Variants in FA2H observed in about 807,000 individuals in gnomAD.
The protein encoded by FA2H is fatty acid alpha-hydroxylase.
FA2H carries 22 observed loss-of-function variants against 44.9 expected under a neutral mutation model. The observed-to-expected ratio is 0.49, with a 90% confidence interval of 0.35 to 0.70. FA2H has a LOEUF of 0.70. Ranked by LOEUF, FA2H falls within the 30% of genes least tolerant of loss-of-function variation. The probability of loss-of-function intolerance (pLI) is 0.01; values close to 1 mark genes in which losing one functional copy is unlikely to be tolerated. For missense variants in FA2H, 501 were observed against 504.9 expected (o/e 0.99, Z 0.07); for synonymous variants, 243 against 213.2 (o/e 1.14, Z -1.22).
chr16:74,737,064 C>T lies in FA2H; in HGVS notation c.363+2959G>A, dbSNP rs559658468. On this transcript the variant is annotated intron_variant, in intron 2 of 6. Coordinates refer to ENST00000219368, the MANE Select transcript of FA2H (RefSeq NM_024306.5). ...AGAGATGTGAATTCAGGGCTAACTC[C>T]GCTGCTGAGCATCTGGGCAGCGAAC... Among the ~76,000 whole-genome samples, 14 of 152,318 alleles carry T rather than the reference C, an allele frequency of 9.2e-5. No individual in the cohort carries two copies. The South Asian group carries it at 2.7e-3, about 29-fold the overall frequency.
intron 2 of FA2H, among the ~76,000 whole-genome samples, chr16:74,729,306 G>T (rs546137281): frequency 6.6e-6 from 1 of 152,124 alleles, no homozygotes; most frequent in East Asian, 1.9e-4. Flanking sequence ...ACCACACCCG[G>T]CCTCTTATTT....
intron 1 of FA2H, among the ~76,000 whole-genome samples, chr16:74,760,557 A>G (rs542528007): frequency 3.6e-4 from 55 of 152,258 alleles, no homozygotes; most frequent in Non-Finnish European, 7.1e-4. Flanking sequence ...CTGAGCGTGC[A>G]GGGAGTCAAT....
At position 74,741,729 on chromosome 16, in the gene FA2H, C is replaced by T. The variant is rs968901796; in HGVS notation, c.271-1614G>A. Among the ~76,000 whole-genome samples, 4 of 143,950 alleles carry T rather than the reference C, an allele frequency of 2.8e-5. No homozygotes were observed. In the South Asian group the frequency reaches 8.7e-4, roughly 31 times the overall value. 94.4% of individuals were successfully genotyped at this position (143,950 alleles called of 152,430 possible). A position where few individuals can be genotyped will look rare whatever the true frequency, so the allele number is the denominator to read the frequency against. Reference sequence around the variant, plus strand: ...GCCCACCTCAGCCTCCCAAAGTGCTCGGATTACAGGTGTGAGCCACCGTGC... The same window carrying T: ...GCCCACCTCAGCCTCCCAAAGTGCTTGGATTACAGGTGTGAGCCACCGTGC... On this transcript the variant is annotated intron_variant, in intron 1 of 6. Transcript: ENST00000219368.
intron 4 of FA2H, among the ~76,000 whole-genome samples, chr16:74,721,356 C>T (rs1391923392): frequency 6.6e-6 from 1 of 152,104 alleles, no homozygotes; most frequent in African/African-American, 2.4e-5. Context: ...TTAGTAGAGA[C>T]AGAGTTTCAA....
chr16:74,739,614 T>C (rs1962251923), intron 2 of FA2H, among the ~76,000 whole-genome samples: 1 of 152,190 alleles, frequency 6.6e-6, no homozygotes, highest in Non-Finnish European at 1.5e-5. Flanking sequence ...TCCTGTGCCC[T>C]GCACTGGCCA....
intron 5 of FA2H, 107 bp downstream of exon 5, chr16:74,718,881 C>G (rs1218350426): frequency 7.4e-7 from 1 of 1,355,598 alleles, no homozygotes; most frequent in African/African-American, 1.4e-5. Context: ...CCTCCCAACC[C>G]ACAGCCAGAC....
Position 74,727,264 on chromosome 16 carries a change from C to G in FA2H, c.486G>C (p.Glu162Asp), listed in dbSNP as rs371859188. 19 of 1,614,028 alleles carry G rather than the reference C, an allele frequency of 1.2e-5. No homozygotes were observed. The highest frequency in any genetic ancestry group is 1.5e-5 in the Non-Finnish European group (18 of 1,180,040). The change falls in exon 3 of 7, where the codon GAG becomes GAC. Residue 162 changes from glutamate to aspartate, a missense_variant. Transcript: ENST00000219368. ...CTCACCAGACAGTCTTAGAGAGGCC[C>G]TCAATGAGGTCTGAGTGGAAGAGGC... is the stretch of plus-strand genomic sequence containing the variant. ...PIRLFHSDLIEGLSKTVWYSV... is the reference protein window; with the variant it reads ...PIRLFHSDLIDGLSKTVWYSV...
intron 2 of FA2H, among the ~76,000 whole-genome samples, chr16:74,736,745 G>T (rs1962189306): frequency 6.6e-6 from 1 of 152,128 alleles, no homozygotes; most frequent in South Asian, 2.1e-4. Context: ...GACACTGCTG[G>T]TATCTGCTCA....
At position 74,713,002 on chromosome 16, in the gene FA2H, T is replaced by C. The variant is rs754403053; in HGVS notation, c.*1188A>G. 14 of 152,658 alleles carry C rather than the reference T, an allele frequency of 9.2e-5. No individual in the cohort carries two copies. The highest frequency in any genetic ancestry group is 1.5e-4 in the Non-Finnish European group (10 of 68,044). The allele number at this position is 152,658 out of a possible 1,614,324, so 9.5% of individuals were successfully genotyped here. A position where few individuals can be genotyped will look rare whatever the true frequency, so the allele number is the denominator to read the frequency against. On this transcript the variant is annotated 3_prime_UTR_variant, in exon 7 of 7. Transcript: ENST00000219368. ...GTTTTATTTTTCAAAATATACAATTTAAGTTTTTATTTCACAACCGTAGTT... is the reference window on the plus strand; with the variant it reads ...GTTTTATTTTTCAAAATATACAATTCAAGTTTTTATTTCACAACCGTAGTT...
At chr16:74,748,819 G>C (rs976149067) in intron 1 of FA2H, among the ~76,000 whole-genome samples, 4 of 152,258 alleles carry the variant, frequency 2.6e-5, no homozygotes, top group African/African-American at 9.6e-5. Context: ...GTTCGGGAAA[G>C]CTGGGGCTGG....
intron 4 of FA2H, among the ~76,000 whole-genome samples, chr16:74,725,608 C>T (rs114770703): frequency 0.013 from 1,987 of 152,310 alleles, 46 homozygotes; most frequent in African/African-American, 0.045. Context: ...TTCCTCAGCT[C>T]TAAAAGGGGA....
intron 1 of FA2H, among the ~76,000 whole-genome samples, chr16:74,744,449 C>A (rs1403022260): frequency 2.2e-5 from 3 of 138,318 alleles, no homozygotes; most frequent in African/African-American, 8.1e-5. Flanking sequence ...CCAGATGATG[C>A]CTTTTTTTTT....
At chr16:74,755,120 C>T (rs9922290) in intron 1 of FA2H, among the ~76,000 whole-genome samples, 12,495 of 151,572 alleles carry the variant, frequency 0.082, 563 homozygotes, top group Middle Eastern at 0.16. Context: ...TCTTGATGTC[C>T]GCTGTCCAGC....
At chr16:74,726,389 GCTTT>G in intron 3 of FA2H, 58 bp from the exon 4 acceptor site, 1 of 1,077,274 alleles carries the variant, frequency 9.3e-7, no homozygotes, top group Non-Finnish European at 1.3e-6. Context: ...ACAGAGTACA[GCTTT>G]CTTTTTTTTT....
At chr16:74,745,440 C>A (rs114320830) in intron 1 of FA2H, among the ~76,000 whole-genome samples, 1 of 152,186 alleles carries the variant, frequency 6.6e-6, no homozygotes, top group Admixed American at 6.5e-5. Flanking sequence ...GAGAGGCCAC[C>A]GATGCGTGGG....
At chr16:74,740,448 C>G (rs543571309) in intron 1 of FA2H, among the ~76,000 whole-genome samples, 1 of 151,700 alleles carries the variant, frequency 6.6e-6, no homozygotes, top group South Asian at 2.1e-4. Flanking sequence ...GAAAACCTGT[C>G]TCTACTAAAA....
chr16:74,749,788 C>A (rs773050620), intron 1 of FA2H, among the ~76,000 whole-genome samples: 7 of 152,188 alleles, frequency 4.6e-5, no homozygotes, highest in African/African-American at 7.2e-5. Context: ...TGGCAGCCAC[C>A]GGGATCCTTA....
chr16:74,719,928 C>A (rs1961794009), intron 4 of FA2H, among the ~76,000 whole-genome samples: 3 of 151,864 alleles, frequency 2.0e-5, no homozygotes, highest in South Asian at 2.1e-4. Context: ...AAAACAAGCA[C>A]CGAGATCTCA....
intron 1 of FA2H, among the ~76,000 whole-genome samples, chr16:74,768,138 C>A (rs191091475): frequency 6.6e-6 from 1 of 152,166 alleles, no homozygotes; most frequent in Non-Finnish European, 1.5e-5. Flanking sequence ...ATGCTGTTGC[C>A]GAAGCATCAG....
Sources: gnomAD v4.1 joint callset for allele counts (sites outside exome capture counted in the v4.1 genomes callset) on GRCh38, gnomAD v4.1.1 for gene constraint, MANE v1.5 for transcripts, NCBI Gene and HGNC (gene_info 2026-07-23, HGNC 2026-07-21) for gene names.